The following RIGI variants were observed in gnomAD, a reference collection of about 807,000 sequenced individuals.
RIGI encodes the protein RNA sensor RIG-I, also known as antiviral innate immune response receptor RIG-I.
the RIGI span, among the ~76,000 whole-genome samples, chr9:32,485,729 C>A: frequency 6.6e-6 from 1 of 151,786 alleles, no homozygotes; most frequent in African/African-American, 2.4e-5. Flanking sequence ...TTAGTAGAGA[C>A]GGGGCTTCAC....
At chr9:32,459,414 C>T in the RIGI span, 4 of 1,613,714 alleles carry the variant, frequency 2.5e-6, no homozygotes, top group Non-Finnish European at 3.4e-6. Flanking sequence ...CAAGGCTTTG[C>T]ACTTTCTGCA....
chr9:32,511,278 T>C, the RIGI span, among the ~76,000 whole-genome samples: 2 of 152,128 alleles, frequency 1.3e-5, no homozygotes, highest in East Asian at 3.9e-4. Flanking sequence ...ATGAATAGAA[T>C]ATACATTCTT....
chr9:32,481,254 G>A, the RIGI span: 8 of 1,358,022 alleles, frequency 5.9e-6, no homozygotes, highest in East Asian at 2.4e-5. Flanking sequence ...AGGACAGGAT[G>A]AGAAGTTGAT....
At chr9:32,472,567 C>T in the RIGI span, among the ~76,000 whole-genome samples, 9 of 152,186 alleles carry the variant, frequency 5.9e-5, no homozygotes, top group African/African-American at 2.2e-4. Flanking sequence ...ATCAGGTGAG[C>T]CTTTTAAAAG....
the RIGI span, among the ~76,000 whole-genome samples, chr9:32,519,761 AT>A: frequency 1.3e-5 from 2 of 152,178 alleles, no homozygotes; most frequent in African/African-American, 4.8e-5. Flanking sequence ...TGTGTTTACT[AT>A]TATTAAGATT....
the RIGI span, among the ~76,000 whole-genome samples, chr9:32,461,122 G>A: frequency 4.6e-5 from 7 of 151,946 alleles, no homozygotes; most frequent in Non-Finnish European, 8.8e-5. Flanking sequence ...TAGAAACGAT[G>A]GAGGCTACCT....
the RIGI span, among the ~76,000 whole-genome samples, chr9:32,484,873 A>G: frequency 6.6e-6 from 1 of 152,200 alleles, no homozygotes; most frequent in African/African-American, 2.4e-5. Flanking sequence ...ATTCAGGTGA[A>G]CAGGAAAGTC....
At chr9:32,500,919 C>T in the RIGI span, 1 of 1,614,028 alleles carries the variant, frequency 6.2e-7, no homozygotes, top group Non-Finnish European at 8.5e-7. Context: ...TTTTTCTCAG[C>T]CTGAATATAC....
the RIGI span, chr9:32,466,544 T>A: frequency 1.9e-6 from 2 of 1,055,176 alleles, no homozygotes; most frequent in South Asian, 3.4e-5. Flanking sequence ...TCAACTTTGG[T>A]TCACTGAATC....
At chr9:32,473,298 T>C in the RIGI span, among the ~76,000 whole-genome samples, 2 of 150,040 alleles carry the variant, frequency 1.3e-5, no homozygotes, top group Non-Finnish European at 3.0e-5. Flanking sequence ...TTTTTTTTTT[T>C]TTTTTTTGAG....
At chr9:32,508,239 A>ATTTTTTTTT in the RIGI span, among the ~76,000 whole-genome samples, 67 of 70,324 alleles carry the variant, frequency 9.5e-4, 7 homozygotes, top group African/African-American at 2.2e-3. Flanking sequence ...TATTTACTTA[A>ATTTTTTTTT]TTTTTTTTTT....
At chr9:32,496,226 A>G in the RIGI span, among the ~76,000 whole-genome samples, 1 of 152,112 alleles carries the variant, frequency 6.6e-6, no homozygotes, top group Non-Finnish European at 1.5e-5. Flanking sequence ...TTTAGGTCTT[A>G]TATTTGCTCT....
At chr9:32,523,486 C>T in the RIGI span, among the ~76,000 whole-genome samples, 1 of 152,132 alleles carries the variant, frequency 6.6e-6, no homozygotes, top group African/African-American at 2.4e-5. Context: ...TCAGAAACTA[C>T]CATTTATTCA....
chr9:32,460,239 CTT>C, the RIGI span, among the ~76,000 whole-genome samples: 5 of 152,200 alleles, frequency 3.3e-5, no homozygotes, highest in South Asian at 8.3e-4. Context: ...AATTAAACCT[CTT>C]TGTTTTCCCA....
chr9:32,471,778 G>T, the RIGI span, among the ~76,000 whole-genome samples: 1 of 152,298 alleles, frequency 6.6e-6, no homozygotes, highest in East Asian at 1.9e-4. Flanking sequence ...AATCAAGGAG[G>T]ACTCATGTTG....
chr9:32,505,963 T>C, the RIGI span, among the ~76,000 whole-genome samples: 1 of 152,172 alleles, frequency 6.6e-6, no homozygotes, highest in African/African-American at 2.4e-5. Flanking sequence ...ATGCCTGTAA[T>C]CCCAGCACTT....
chr9:32,497,754 AAATG>A, the RIGI span, among the ~76,000 whole-genome samples: 97 of 152,224 alleles, frequency 6.4e-4, no homozygotes, highest in Non-Finnish European at 2.4e-4. Context: ...CCGTCTCAAA[AAATG>A]AATGAATGAA....
chr9:32,525,919 A>G, the RIGI span: 1 of 720,182 alleles, frequency 1.4e-6, no homozygotes, highest in Non-Finnish European at 2.4e-6. Flanking sequence ...GGCAACCTCT[A>G]GCCTAAAATG....
At chr9:32,485,878 C>A in the RIGI span, among the ~76,000 whole-genome samples, 1 of 152,100 alleles carries the variant, frequency 6.6e-6, no homozygotes, top group East Asian at 1.9e-4. Context: ...TACCTCCTCT[C>A]TGATGAGGCG....
Sources: gnomAD v4.1 joint callset for allele counts (sites outside exome capture counted in the v4.1 genomes callset) on GRCh38, gnomAD v4.1.1 for gene constraint, MANE v1.5 for transcripts, NCBI Gene and HGNC (gene_info 2026-07-23, HGNC 2026-07-21) for gene names.